The following GALNT14 variants were observed in gnomAD, a reference collection of about 807,000 sequenced individuals.
The protein encoded by GALNT14 is polypeptide N-acetylgalactosaminyltransferase 14, also known as UDP-GalNAc:polypeptide N-acetylgalactosaminyltransferase 14.
Under a neutral mutation model 77.5 loss-of-function variants are expected in GALNT14, and 60 were observed. That is an observed-to-expected ratio of 0.77 (90% CI 0.63 to 0.96). GALNT14 has a LOEUF of 0.96. GALNT14 is among the 40% of genes least tolerant of loss of function. The pLI is 0.00. For missense variants in GALNT14, 710 were observed against 731.0 expected, an observed-to-expected ratio of 0.97 and a Z score of 0.33; for synonymous variants, 280 against 281.7, an observed-to-expected ratio of 0.99 and a Z score of 0.06.
At chr2:30,891,381 A>T in the GALNT14 span, among the ~76,000 whole-genome samples, 1 of 152,208 alleles carries the variant, frequency 6.6e-6, no homozygotes, top group Non-Finnish European at 1.5e-5. Flanking sequence ...TAGAGACTTC[A>T]TAAGGGTTTA....
At chr2:30,894,109 T>TA in the GALNT14 span, among the ~76,000 whole-genome samples, 1 of 144,036 alleles carries the variant, frequency 6.9e-6, no homozygotes, top group Admixed American at 6.7e-5. Flanking sequence ...CAGCTCTGCC[T>TA]GCCCCCTTAC....
intron 4 of GALNT14, among the ~76,000 whole-genome samples, 163 bp downstream of exon 4, chr2:30,958,234 C>T (rs1355211744): frequency 6.6e-6 from 1 of 152,176 alleles, no homozygotes; most frequent in Non-Finnish European, 1.5e-5. Flanking sequence ...TATAAAGCTT[C>T]TCTCCTTCTG....
intron 1 of GALNT14, among the ~76,000 whole-genome samples, chr2:31,044,896 C>G (rs4494793): frequency 6.6e-6 from 1 of 151,348 alleles, no homozygotes; most frequent in Non-Finnish European, 1.5e-5. Context: ...GCCTGGGCAA[C>G]AGAGTAAGAC....
chr2:30,951,274 C>T (rs1004738141), intron 6 of GALNT14, among the ~76,000 whole-genome samples: 1 of 152,080 alleles, frequency 6.6e-6, no homozygotes, highest in Admixed American at 6.6e-5. Context: ...AAACAGTATG[C>T]CAATATCCAT....
chr2:30,935,765 C>T (rs770002679), intron 9 of GALNT14, among the ~76,000 whole-genome samples: 3 of 152,134 alleles, frequency 2.0e-5, no homozygotes, highest in African/African-American at 7.2e-5. Flanking sequence ...CCTGGTGGTT[C>T]GTAGATATCT....
chr2:30,961,208 T>G (rs1667672370), intron 3 of GALNT14, among the ~76,000 whole-genome samples: 1 of 152,250 alleles, frequency 6.6e-6, no homozygotes, highest in South Asian at 2.1e-4. Context: ...GCGATATTAA[T>G]ACTTGACCTA....
intron 2 of GALNT14, among the ~76,000 whole-genome samples, chr2:30,978,276 C>T (rs946834260): frequency 1.6e-4 from 25 of 152,254 alleles, no homozygotes; most frequent in African/African-American, 5.8e-4. Context: ...ACTTCCTCCA[C>T]CACACTCCAC....
chr2:31,014,452 C>T (rs1671219562), intron 1 of GALNT14, among the ~76,000 whole-genome samples: 2 of 152,150 alleles, frequency 1.3e-5, no homozygotes. Context: ...CTCTTTTCCC[C>T]AGGACTGAGG....
chr2:30,913,026 A>G (rs1664465315), intron 13 of GALNT14, among the ~76,000 whole-genome samples: 1 of 152,186 alleles, frequency 6.6e-6, no homozygotes, highest in African/African-American at 2.4e-5. Context: ...TGGATTGACA[A>G]GCAGAGTTCT....
At chr2:30,920,118 A>C (rs1664942185) in intron 13 of GALNT14, among the ~76,000 whole-genome samples, 1 of 152,192 alleles carries the variant, frequency 6.6e-6, no homozygotes, top group African/African-American at 2.4e-5. Context: ...ACACTTGTCT[A>C]AAAGAGCTCA....
intron 1 of GALNT14, among the ~76,000 whole-genome samples, chr2:31,018,651 C>T (rs1671531014): frequency 6.6e-6 from 1 of 152,016 alleles, no homozygotes; most frequent in Admixed American, 6.5e-5. Flanking sequence ...CTGGGGACTG[C>T]TTTTTTTATT....
chr2:30,967,209 G>A (rs987599877), intron 2 of GALNT14, among the ~76,000 whole-genome samples: 9 of 152,182 alleles, frequency 5.9e-5, no homozygotes, highest in Non-Finnish European at 1.2e-4. Flanking sequence ...CAGAGACCCA[G>A]GGATGGACTT....
At chr2:31,001,360 A>C (rs1438045548) in intron 1 of GALNT14, among the ~76,000 whole-genome samples, 2 of 152,228 alleles carry the variant, frequency 1.3e-5, no homozygotes. Flanking sequence ...TGCGGAAACT[A>C]GAGGTAGGGT....
chr2:31,100,836 C>T (rs1334626290), intron 1 of GALNT14, among the ~76,000 whole-genome samples: 1 of 152,018 alleles, frequency 6.6e-6, no homozygotes, highest in African/African-American at 2.4e-5. Context: ...AACATCATAA[C>T]TTAGCCAAGA....
At chr2:31,097,708 C>A (rs1177713098) in intron 1 of GALNT14, among the ~76,000 whole-genome samples, 1 of 152,134 alleles carries the variant, frequency 6.6e-6, no homozygotes, top group African/African-American at 2.4e-5. Flanking sequence ...ACCCAGCAGG[C>A]TTCCTGTATT....
At chr2:31,114,832 G>C in intron 1 of GALNT14, 1 of 717,056 alleles carries the variant, frequency 1.4e-6, no homozygotes, top group Non-Finnish European at 2.6e-6. Context: ...GTCCTCCTAA[G>C]TCCCAAAGAT....
intron 1 of GALNT14, among the ~76,000 whole-genome samples, chr2:31,120,862 A>G (rs532585007): frequency 6.6e-6 from 1 of 152,340 alleles, no homozygotes; most frequent in East Asian, 1.9e-4. Context: ...AGCCATGGAC[A>G]CAATTTTGAA....
At chr2:30,990,576 C>T (rs1316730541) in intron 2 of GALNT14, among the ~76,000 whole-genome samples, 2 of 152,230 alleles carry the variant, frequency 1.3e-5, no homozygotes, top group African/African-American at 4.8e-5. Context: ...AAGGGTGACA[C>T]CAGTATGGTG....
At chr2:31,034,178 T>G (rs1004850742) in intron 1 of GALNT14, among the ~76,000 whole-genome samples, 3 of 152,144 alleles carry the variant, frequency 2.0e-5, no homozygotes, top group Non-Finnish European at 4.4e-5. Flanking sequence ...CTGTGACATC[T>G]CTCTTCCTTC....
Sources: gnomAD v4.1 joint callset for allele counts (sites outside exome capture counted in the v4.1 genomes callset) on GRCh38, gnomAD v4.1.1 for gene constraint, MANE v1.5 for transcripts, NCBI Gene and HGNC (gene_info 2026-07-23, HGNC 2026-07-21) for gene names.